The following ZFR2 variants were observed in gnomAD, a reference collection of about 807,000 sequenced individuals.
ZFR2 encodes the protein zinc finger RNA-binding protein 2.
In ZFR2, 104 loss-of-function variants were observed where a neutral mutation model predicts 105.7. The observed-to-expected ratio is 0.98, with a 90% confidence interval of 0.84 to 1.16. The LOEUF (loss-of-function observed/expected upper bound fraction) is 1.16, where lower values mean the gene tolerates loss of function less well. Ranked by LOEUF, ZFR2 falls within the 50% of genes most tolerant of loss-of-function variation. The pLI, the probability that ZFR2 is intolerant of heterozygous loss-of-function variation, is 0.00. For missense variants in ZFR2, 1,425 were observed against 1,355.5 expected (o/e 1.05, Z -0.80); for synonymous variants, 634 against 597.7 (o/e 1.06, Z -0.89).
intron 1 of ZFR2, among the ~76,000 whole-genome samples, chr19:3,836,559 A>G (rs1008633926): frequency 2.0e-5 from 3 of 152,184 alleles, no homozygotes; most frequent in African/African-American, 7.2e-5. Flanking sequence ...TTTTAACAGA[A>G]CAAGTCAGTC....
chr19:3,808,422 C>A (rs752777794), intron 17 of ZFR2, among the ~76,000 whole-genome samples: 2 of 152,238 alleles, frequency 1.3e-5, no homozygotes, highest in Admixed American at 6.5e-5. Context: ...TGTGTCCTGG[C>A]GCGTTCTCTT....
At chr19:3,852,189 A>C in intron 1 of ZFR2, 2 of 459,914 alleles carry the variant, frequency 4.3e-6, no homozygotes, top group Non-Finnish European at 3.9e-6. Flanking sequence ...TCTCCTGGCC[A>C]AGGCGGGGCT....
At chr19:3,821,122 G>A (rs937079246) in intron 10 of ZFR2, among the ~76,000 whole-genome samples, 9 of 152,088 alleles carry the variant, frequency 5.9e-5, no homozygotes, top group Admixed American at 3.3e-4. Context: ...TGGAGCCCAC[G>A]TGTCAGGTCC....
chr19:3,833,814 C>G (rs997133773), intron 2 of ZFR2, 36 bp from the exon 3 acceptor site: 1 of 1,516,096 alleles, frequency 6.6e-7, no homozygotes, highest in Admixed American at 2.0e-5. Context: ...AGACAGAGAA[C>G]GGAGGAGAGC....
chr19:3,830,626 C>T (rs2038001761), intron 5 of ZFR2, among the ~76,000 whole-genome samples: 1 of 152,116 alleles, frequency 6.6e-6, no homozygotes, highest in South Asian at 2.1e-4. Context: ...TAACGGTGTC[C>T]TGAGCCTTCT....
At chr19:3,810,098 A>G (rs1038640093) in intron 16 of ZFR2, among the ~76,000 whole-genome samples, 8 of 152,202 alleles carry the variant, frequency 5.3e-5, no homozygotes, top group Non-Finnish European at 8.8e-5. Context: ...GGGAGGGACC[A>G]CGGGCAAGAC....
chr19:3,841,828 C>G (rs2038135840), intron 1 of ZFR2, among the ~76,000 whole-genome samples: 1 of 151,672 alleles, frequency 6.6e-6, no homozygotes, highest in South Asian at 2.1e-4. Context: ...ACTCTGTCGC[C>G]CAGGCTGGAG....
At chr19:3,867,313 A>T (rs1175142928) in intron 1 of ZFR2, among the ~76,000 whole-genome samples, 1 of 135,254 alleles carries the variant, frequency 7.4e-6, no homozygotes, top group Non-Finnish European at 1.6e-5. Context: ...TTGGGGGGGG[A>T]ATCTGGTCCC....
At chr19:3,809,641 C>T (rs1204272644) in intron 16 of ZFR2, among the ~76,000 whole-genome samples, 17 of 152,162 alleles carry the variant, frequency 1.1e-4, no homozygotes, top group Admixed American at 1.1e-3. Flanking sequence ...AGGACGTTTC[C>T]CCTAAACAAT....
intron 1 of ZFR2, among the ~76,000 whole-genome samples, chr19:3,856,746 T>G (rs2038306286): frequency 6.6e-6 from 1 of 152,196 alleles, no homozygotes; most frequent in African/African-American, 2.4e-5. Context: ...TCCTTTATTT[T>G]TGGAGACGGA....
At chr19:3,817,567 G>GATAATAATAATA (rs10605531) in intron 12 of ZFR2, among the ~76,000 whole-genome samples, 3 of 124,018 alleles carry the variant, frequency 2.4e-5, no homozygotes, top group Non-Finnish European at 3.3e-5. Flanking sequence ...TCAAAATAAT[G>GATAATAATAATA]ATAATAATAA....
intron 1 of ZFR2, among the ~76,000 whole-genome samples, chr19:3,844,026 G>C (rs2038163767): frequency 8.1e-6 from 1 of 124,142 alleles, no homozygotes; most frequent in Non-Finnish European, 1.7e-5. Context: ...GGGGGGGGGT[G>C]CCAGGGACCG....
intron 1 of ZFR2, among the ~76,000 whole-genome samples, chr19:3,862,861 T>G (rs184205338): frequency 3.3e-5 from 5 of 152,190 alleles, no homozygotes; most frequent in Admixed American, 2.0e-4. Context: ...GAGGGGCAAG[T>G]TCCCCCCTCG....
chr19:3,834,928 G>T lies in ZFR2; in HGVS notation c.109C>A (p.Pro37Thr). Residue 37 changes from proline (P) to threonine (T), a missense_variant, in exon 2 of 19, where the codon CCC becomes ACC. Coordinates refer to ENST00000262961, the MANE Select transcript of ZFR2 (RefSeq NM_015174.2). This position sits in a 1 kb window ranked among gnomAD's most constrained non-coding sequence, Gnocchi z 5.3. ...ACGGCAGGGTCCATCCCAGGAGTGG[G>T]TTGTGCAGTATAGCTGGCCCCCACA... ...PTVGASYTAQ[P>T]TPGMDPAVNP... The T allele has an allele frequency of 1.2e-6, 2 of 1,611,876 alleles. No homozygotes were observed. The highest frequency in any genetic ancestry group is 1.7e-6 in the Non-Finnish European group (2 of 1,179,180).
At chr19:3,827,294 T>C (rs367731079) in intron 6 of ZFR2, among the ~76,000 whole-genome samples, 177 bp downstream of exon 6, 2 of 152,290 alleles carry the variant, frequency 1.3e-5, no homozygotes, top group South Asian at 2.1e-4. Flanking sequence ...GGAAAGGAGT[T>C]TGGATCCTTG....
chr19:3,831,507 A>G lies in ZFR2; in HGVS notation c.648T>C (p.Pro216=), dbSNP rs1049584345. Residue 216 remains proline, a synonymous_variant, in exon 5 of 19, where the codon CCT becomes CCC. Transcript: ENST00000262961. ...GCGGGGGCTGCGCTGGAGGATAGAA[A>G]GGGCTGGCAGCGGAGTACACCGACG... ...YDASVYSAAS[P]FYPPAQPPPP... The G allele has an allele frequency of 5.8e-6, 9 of 1,555,446 alleles. No homozygotes were observed. Among genetic ancestry groups the G allele is most frequent in the Non-Finnish European group, 7.8e-6 (9 of 1,150,066 alleles).
intron 1 of ZFR2, among the ~76,000 whole-genome samples, chr19:3,856,407 T>C (rs1007943884): frequency 6.6e-6 from 1 of 152,080 alleles, no homozygotes; most frequent in African/African-American, 2.4e-5. Flanking sequence ...TTTTTTAAGA[T>C]TGAGATATAG....
chr19:3,806,332 A>G (rs2037696641), intron 18 of ZFR2, among the ~76,000 whole-genome samples: 1 of 152,086 alleles, frequency 6.6e-6, no homozygotes, highest in African/African-American at 2.4e-5. Flanking sequence ...GCGCGATCTC[A>G]GCTCATTGCA....
At position 3,823,677 on chromosome 19, in the gene ZFR2, A is replaced by G. The variant is rs1052713772; in HGVS notation, c.1214-274T>C. The stretch of plus-strand genomic sequence containing the variant: ...CGCTTGAGGAACCCACCGACAGCAC[A>G]AAATCCACAGTTAATAGACCATGAA... On this transcript the variant is annotated intron_variant, in intron 7 of 18. Coordinates refer to ENST00000262961, the MANE Select transcript of ZFR2 (RefSeq NM_015174.2). This position sits in a 1 kb window ranked among gnomAD's most constrained non-coding sequence, Gnocchi z 5.4. 1.3e-5 allele frequency among the ~76,000 whole-genome samples: 2 copies of G among 152,228 alleles called. No homozygotes were observed. Among genetic ancestry groups the G allele is most frequent in the Non-Finnish European group, 2.9e-5 (2 of 68,036 alleles).
Sources: gnomAD v4.1 joint callset for allele counts (sites outside exome capture counted in the v4.1 genomes callset) on GRCh38, gnomAD v4.1.1 for gene constraint, Gnocchi (gnomAD v3.1) non-coding constraint, MANE v1.5 for transcripts, NCBI Gene and HGNC (gene_info 2026-07-23, HGNC 2026-07-21) for gene names.